Variants in SLC25A48 observed in about 807,000 individuals in gnomAD.
SLC25A48 encodes solute carrier family 25 member 48, also known as CTC-321K16.1.
Under a neutral mutation model 32.2 loss-of-function variants are expected in SLC25A48, and 29 were observed. The observed-to-expected ratio is 0.90, with a 90% CI of 0.67 to 1.23. The LOEUF is 1.23. SLC25A48 is among the 50% of genes most tolerant of loss of function. SLC25A48 has a pLI of 0.00. For synonymous variants in SLC25A48, 164 were observed against 172.3 expected (o/e 0.95, Z 0.38); for missense variants, 399 against 422.7 (o/e 0.94, Z 0.49).
intron 3 of SLC25A48, among the ~76,000 whole-genome samples, chr5:135,727,488 C>T (rs1755117051): frequency 6.6e-6 from 1 of 152,012 alleles, no homozygotes; most frequent in Non-Finnish European, 1.5e-5. Context: ...CTCTGCCTAA[C>T]CCTAGGAAAG....
At chr5:135,790,498 G>A (rs896511764) in intron 3 of SLC25A48, among the ~76,000 whole-genome samples, 1 of 150,586 alleles carries the variant, frequency 6.6e-6, no homozygotes, top group South Asian at 2.1e-4. Context: ...ATGTCACAGT[G>A]AGTGTACATA....
At chr5:135,698,025 A>G (rs1344545550) in intron 3 of SLC25A48, among the ~76,000 whole-genome samples, 1 of 152,004 alleles carries the variant, frequency 6.6e-6, no homozygotes, top group East Asian at 1.9e-4. Context: ...CATGCCAGGG[A>G]CTCTGACGTT....
At chr5:135,749,966 C>T (rs1431970546) in intron 3 of SLC25A48, among the ~76,000 whole-genome samples, 1 of 152,156 alleles carries the variant, frequency 6.6e-6, no homozygotes, top group African/African-American at 2.4e-5. Context: ...CCACTTCCTC[C>T]TGGGCAAGCA....
At chr5:135,614,771 C>G (rs1223353797) in intron 1 of SLC25A48, among the ~76,000 whole-genome samples, 6 of 152,140 alleles carry the variant, frequency 3.9e-5, no homozygotes, top group Non-Finnish European at 7.4e-5. Context: ...GATTCGTGCC[C>G]TTGCCCAAAT....
rs776733956 is a variant in SLC25A48, at chr5:135,879,607, A to AGTGTGTGT, written c.814-360_814-359insTGTGTGTG. Among the ~76,000 whole-genome samples, 25 of 139,304 alleles carry AGTGTGTGT rather than the reference A, an allele frequency of 1.8e-4. No homozygotes were observed. The South Asian group carries it at 3.3e-3, about 18-fold the overall frequency. 91.4% of individuals were successfully genotyped at this position (139,304 alleles called of 152,430 possible). On this transcript the variant is annotated intron_variant, in intron 6 of 7. Coordinates refer to ENST00000681962, the MANE Select transcript of SLC25A48 (RefSeq NM_001349336.2). ...AGGAGAGAGAGAGAGAGAGAGAGAG[A>AGTGTGTGT]GAGAGTGTGTGTGTGTGTGTGTGTG...
At chr5:135,861,064 G>C (rs1161834014) in intron 4 of SLC25A48, among the ~76,000 whole-genome samples, 1 of 152,116 alleles carries the variant, frequency 6.6e-6, no homozygotes, top group African/African-American at 2.4e-5. Flanking sequence ...TGAAAGTAGA[G>C]GTAGAAAGTG....
At chr5:135,607,776 G>A (rs1311979212) in intron 1 of SLC25A48, among the ~76,000 whole-genome samples, 1 of 152,114 alleles carries the variant, frequency 6.6e-6, no homozygotes, top group Non-Finnish European at 1.5e-5. Context: ...ACTTCAACAG[G>A]GGCCCATTTT....
intron 2 of SLC25A48, among the ~76,000 whole-genome samples, chr5:135,631,578 G>A (rs1431019096): frequency 6.6e-6 from 1 of 152,198 alleles, no homozygotes; most frequent in Non-Finnish European, 1.5e-5. Flanking sequence ...GCTCCAGGGT[G>A]ACCCAACAAA....
At chr5:135,813,250 G>C (rs984568837) in intron 4 of SLC25A48, 3 of 152,494 alleles carry the variant, frequency 2.0e-5, no homozygotes, top group African/African-American at 7.2e-5. Flanking sequence ...GGGGCCTCAG[G>C]AGTGATGGGA....
chr5:135,885,627 C>A (rs6864141), intron 7 of SLC25A48, among the ~76,000 whole-genome samples: 4,276 of 152,268 alleles, frequency 0.028, 199 homozygotes, highest in African/African-American at 0.098. Context: ...CTGTGCCCCC[C>A]TTCAGAGCCA....
chr5:135,741,104 A>G (rs11743994), intron 3 of SLC25A48, among the ~76,000 whole-genome samples: 100,358 of 152,110 alleles, frequency 0.66, 36,244 homozygotes, highest in Middle Eastern at 0.81. Flanking sequence ...CTCAGTCTTC[A>G]GAGTCCCATT....
At chr5:135,761,071 G>A (rs946484991) in intron 3 of SLC25A48, among the ~76,000 whole-genome samples, 2 of 152,152 alleles carry the variant, frequency 1.3e-5, no homozygotes, top group African/African-American at 2.4e-5. Flanking sequence ...AGACCAAGGA[G>A]TGGAGGATAG....
At chr5:135,619,123 A>G (rs1752261416) in intron 1 of SLC25A48, among the ~76,000 whole-genome samples, 2 of 152,136 alleles carry the variant, frequency 1.3e-5, no homozygotes, top group African/African-American at 4.8e-5. Flanking sequence ...CTGGGACACC[A>G]AAACTATGAA....
At chr5:135,616,790 T>C (rs1214908511) in intron 1 of SLC25A48, among the ~76,000 whole-genome samples, 1 of 152,128 alleles carries the variant, frequency 6.6e-6, no homozygotes, top group African/African-American at 2.4e-5. Context: ...ATGATATGGT[T>C]TGGATTTGTG....
rs1401594685 is a variant in SLC25A48 at position 135,781,696 on chromosome 5, A to G, written c.-520-30827A>G. Among the ~76,000 whole-genome samples the G allele has an allele frequency of 1.7e-5, 2 of 115,154 alleles. 1 individual carries two copies. Among genetic ancestry groups the G allele is most frequent in the Non-Finnish European group, 4.3e-5 (2 of 46,486 alleles). The allele number at this position is 115,154 out of a possible 152,430, so 75.5% of individuals were successfully genotyped here. A position where few individuals can be genotyped will look rare whatever the true frequency, so the allele number is the denominator to read the frequency against. On this transcript the variant is annotated intron_variant, in intron 3 of 10. Transcript: ENST00000646290. ...GATATTGTTCCTAATAGCCAGGGGA[A>G]AAGAGAATGATATTACTCTCAATAT...
intron 1 of SLC25A48, among the ~76,000 whole-genome samples, chr5:135,615,549 C>T (rs1752166572): frequency 6.6e-6 from 1 of 152,148 alleles, no homozygotes; most frequent in South Asian, 2.1e-4. Context: ...CATATGCTCA[C>T]ATAAATGAGC....
intron 1 of SLC25A48, chr5:135,609,532 C>T (rs1752017394): frequency 6.6e-6 from 1 of 152,268 alleles, no homozygotes; most frequent in Non-Finnish European, 1.5e-5. Context: ...GAAGCCTCAT[C>T]TCCGAGGGTG....
intron 3 of SLC25A48, among the ~76,000 whole-genome samples, chr5:135,728,869 CACACACACACACACAT>C (rs900409233): frequency 2.0e-5 from 3 of 150,526 alleles, no homozygotes; most frequent in African/African-American, 7.4e-5. Context: ...CACACACACA[CACACACACACACACAT>C]ACACACACAC....
intron 3 of SLC25A48, among the ~76,000 whole-genome samples, chr5:135,729,900 G>A (rs1250621033): frequency 6.6e-6 from 1 of 152,132 alleles, no homozygotes; most frequent in Non-Finnish European, 1.5e-5. Flanking sequence ...ATAAATAAAA[G>A]GGGTGATGTT....
Sources: gnomAD v4.1 joint callset for allele counts (sites outside exome capture counted in the v4.1 genomes callset) on GRCh38, gnomAD v4.1.1 for gene constraint, MANE v1.5 for transcripts, NCBI Gene and HGNC (gene_info 2026-07-23, HGNC 2026-07-21) for gene names.